Variants in TMEM131L observed in about 807,000 individuals in gnomAD.
The protein encoded by TMEM131L is transmembrane protein 131-like.
Under a neutral mutation model 192.2 loss-of-function variants are expected in TMEM131L, and 54 were observed. The ratio of observed to expected loss-of-function variants is 0.28; its 90% CI spans 0.23 to 0.35. The LOEUF (loss-of-function observed/expected upper bound fraction) is 0.35, where lower values mean the gene tolerates loss of function less well. Ranked by LOEUF, TMEM131L falls within the 10% of genes least tolerant of loss-of-function variation. The pLI, the probability that TMEM131L is intolerant of heterozygous loss-of-function variation, is 1.00. For synonymous variants in TMEM131L, 701 were observed against 704.9 expected, an observed-to-expected ratio of 0.99 and a Z score of 0.09; for missense variants, 1,888 against 1,972.9, an observed-to-expected ratio of 0.96 and a Z score of 0.82.
At chr4:153,553,907 C>A (rs1050375275) in intron 4 of TMEM131L, among the ~76,000 whole-genome samples, 1 of 152,136 alleles carries the variant, frequency 6.6e-6, no homozygotes, top group Non-Finnish European at 1.5e-5. Context: ...AAAATAGAAT[C>A]TAAAAAATAG....
intron 3 of TMEM131L, among the ~76,000 whole-genome samples, chr4:153,500,902 A>T (rs1356832730): frequency 2.0e-5 from 3 of 152,156 alleles, no homozygotes; most frequent in Non-Finnish European, 4.4e-5. Flanking sequence ...TTCTCCAGAG[A>T]CGCCGTTTAA....
intron 3 of TMEM131L, among the ~76,000 whole-genome samples, chr4:153,514,111 G>A (rs1315366706): frequency 6.6e-6 from 1 of 152,102 alleles, no homozygotes; most frequent in Non-Finnish European, 1.5e-5. Context: ...ATAAACCTTG[G>A]TTTGAATTCT....
At chr4:153,602,765 A>G (rs920649618) in intron 23 of TMEM131L, 38 bp downstream of exon 23, 2 of 1,588,760 alleles carry the variant, frequency 1.3e-6, no homozygotes, top group Non-Finnish European at 8.6e-7. Context: ...CTCACTGAGT[A>G]GAGAAGTCAT....
chr4:153,535,598 A>G (rs1736255792), intron 3 of TMEM131L, among the ~76,000 whole-genome samples: 1 of 152,292 alleles, frequency 6.6e-6, no homozygotes, highest in South Asian at 2.1e-4. Context: ...TTAGCTTTTA[A>G]ATAATTTATT....
At position 153,604,638 on chromosome 4, in the gene TMEM131L, A is replaced by G. The variant is rs1235252480; in HGVS notation, c.3418+208A>G. On this transcript the variant is annotated intron_variant, in intron 25 of 34. Transcript: ENST00000409959. ...GACTAAGAGGTTTAAATTTTAGTAC[A>G]TAAGTTTAGAAGACTATGAATATCA... Among the ~76,000 whole-genome samples the G allele has an allele frequency of 4.6e-5, 7 of 152,226 alleles. No individual in the cohort carries two copies. In the East Asian group the frequency reaches 9.6e-4, roughly 21 times the overall value.
chr4:153,474,760 T>C (rs1731409200), intron 3 of TMEM131L, among the ~76,000 whole-genome samples: 1 of 152,158 alleles, frequency 6.6e-6, no homozygotes, highest in South Asian at 2.1e-4. Flanking sequence ...TTCTCCATGC[T>C]AGCCAGGCTG....
intron 3 of TMEM131L, among the ~76,000 whole-genome samples, chr4:153,519,138 A>C (rs1476402949): frequency 2.0e-5 from 3 of 152,164 alleles, no homozygotes; most frequent in Non-Finnish European, 4.4e-5. Context: ...GAGAAGTCTT[A>C]TGAGCATTGT....
chr4:153,474,337 T>G (rs1731374649), intron 3 of TMEM131L, among the ~76,000 whole-genome samples: 1 of 152,166 alleles, frequency 6.6e-6, no homozygotes, highest in Non-Finnish European at 1.5e-5. Flanking sequence ...GTGGATGGGC[T>G]CCTTTTGGGA....
At chr4:153,576,060 C>T (rs1057207159) in intron 7 of TMEM131L, among the ~76,000 whole-genome samples, 5 of 151,804 alleles carry the variant, frequency 3.3e-5, no homozygotes, top group African/African-American at 7.3e-5. Context: ...CCCAGGTTCA[C>T]GCCATTCTCC....
At chr4:153,609,762 A>C (rs1205926462) in intron 25 of TMEM131L, among the ~76,000 whole-genome samples, 1 of 152,224 alleles carries the variant, frequency 6.6e-6, no homozygotes, top group Non-Finnish European at 1.5e-5. Context: ...AAGAAAACTT[A>C]AGGAAATCCA....
intron 21 of TMEM131L, 91 bp from the exon 22 acceptor site, chr4:153,602,061 T>C (rs1731875912): frequency 4.0e-6 from 3 of 752,478 alleles, no homozygotes; most frequent in African/African-American, 3.6e-5. Context: ...GATCATGGTT[T>C]GGTTTATTCA....
In TMEM131L at chr4:153,555,918, T is replaced by C; in HGVS notation, c.432+8T>C. ...CCGCCAGTTCCCTGCAGGGTGGGTG[T>C]TGATGGACTCCTGGAAACTATGCCG... On this transcript the variant is annotated splice_region_variant and intron_variant, in intron 5 of 34. Coordinates refer to ENST00000409959, the MANE Select transcript of TMEM131L (RefSeq NM_001131007.2). This position sits in a 1 kb window ranked among gnomAD's most constrained non-coding sequence, Gnocchi z 4.1. 1 of 1,551,170 alleles carries C rather than the reference T, an allele frequency of 6.4e-7. No homozygotes were observed. Among genetic ancestry groups the C allele is most frequent in the South Asian group, 1.2e-5 (1 of 84,024 alleles).
chr4:153,492,733 G>A (rs1443862476), intron 3 of TMEM131L, among the ~76,000 whole-genome samples: 1 of 151,832 alleles, frequency 6.6e-6, no homozygotes, highest in Non-Finnish European at 1.5e-5. Context: ...AGTGTAAGGT[G>A]TGTTTATGAG....
At chr4:153,560,249 T>A (rs568683126) in intron 7 of TMEM131L, among the ~76,000 whole-genome samples, 18 of 152,270 alleles carry the variant, frequency 1.2e-4, no homozygotes, top group African/African-American at 3.4e-4. Flanking sequence ...ACCATCTGAT[T>A]GAGCTTCCCG....
intron 28 of TMEM131L, among the ~76,000 whole-genome samples, 195 bp from the exon 29 acceptor site, chr4:153,622,703 A>T (rs1037022730): frequency 6.6e-5 from 10 of 152,208 alleles, no homozygotes; most frequent in African/African-American, 2.4e-4. Context: ...CCATAGGCAG[A>T]GTAGACGGCC....
chr4:153,567,239 G>C, intron 7 of TMEM131L, among the ~76,000 whole-genome samples: 1 of 152,210 alleles, frequency 6.6e-6, no homozygotes, highest in East Asian at 1.9e-4. Flanking sequence ...AGAGATAACA[G>C]AGAAAGGTTA....
chr4:153,502,386 A>G (rs1311839500), intron 3 of TMEM131L, among the ~76,000 whole-genome samples: 1 of 152,180 alleles, frequency 6.6e-6, no homozygotes, highest in African/African-American at 2.4e-5. Context: ...GAAAACAGCT[A>G]CTGGGTTTGG....
intron 3 of TMEM131L, among the ~76,000 whole-genome samples, chr4:153,528,011 G>T (rs567037918): frequency 6.6e-6 from 1 of 152,190 alleles, no homozygotes; most frequent in South Asian, 2.1e-4. Context: ...AACTGAGCAG[G>T]TTCTTTTCCT....
At chr4:153,601,960 A>G (rs1731867745) in intron 21 of TMEM131L, 192 bp from the exon 22 acceptor site, 1 of 429,528 alleles carries the variant, frequency 2.3e-6, no homozygotes, top group Non-Finnish European at 4.0e-6. Context: ...TCTCTGTTAT[A>G]TCCTAGAACA....
Sources: allele counts gnomAD v4.1 joint callset (sites outside exome capture counted in the v4.1 genomes callset), GRCh38; gene constraint gnomAD v4.1.1; non-coding constraint Gnocchi (gnomAD v3.1); transcripts MANE v1.5; gene names NCBI Gene and HGNC (gene_info 2026-07-23, HGNC 2026-07-21).